SGK3: variants seen among roughly 807,000 people sequenced by gnomAD.
SGK3 encodes serine/threonine-protein kinase Sgk3.
SGK3 carries 47 observed loss-of-function variants against 68.5 expected under a neutral mutation model. The observed-to-expected ratio is 0.69, with a 90% CI of 0.54 to 0.87. The LOEUF (loss-of-function observed/expected upper bound fraction) is 0.87, where lower values mean the gene tolerates loss of function less well. Among genes scored for constraint, SGK3 ranks in the 40% least tolerant of loss-of-function variants. The pLI, the probability that SGK3 is intolerant of heterozygous loss-of-function variation, is 0.00. For synonymous variants in SGK3, 181 were observed against 189.1 expected (o/e 0.96, Z 0.35); for missense variants, 479 against 575.5 (o/e 0.83, Z 1.72).
At chr8:66,858,180 G>A (rs1229356315) in intron 16 of SGK3, among the ~76,000 whole-genome samples, 1 of 152,056 alleles carries the variant, frequency 6.6e-6, no homozygotes, top group African/African-American at 2.4e-5. Context: ...AATACAAAAT[G>A]CTAGGACGGG....
intron 6 of SGK3, among the ~76,000 whole-genome samples, chr8:66,827,250 C>T (rs1395890898): frequency 2.0e-5 from 3 of 151,704 alleles, no homozygotes; most frequent in South Asian, 2.1e-4. Flanking sequence ...GGCATGGTGG[C>T]GTATGCCTGT....
chr8:66,747,375 A>G (rs760022661), intron 1 of SGK3, among the ~76,000 whole-genome samples: 2 of 152,236 alleles, frequency 1.3e-5, no homozygotes, highest in African/African-American at 2.4e-5. Context: ...TACTTAGAAT[A>G]AAAGACTATC....
At chr8:66,820,354 CTTCA>C (rs1808761579) in intron 5 of SGK3, among the ~76,000 whole-genome samples, 1 of 152,096 alleles carries the variant, frequency 6.6e-6, no homozygotes, top group South Asian at 2.1e-4. Context: ...TATTTATGAG[CTTCA>C]TTCACGTTAT....
chr8:66,728,806 G>C (rs1805053140), intron 1 of SGK3, among the ~76,000 whole-genome samples: 1 of 151,922 alleles, frequency 6.6e-6, no homozygotes, highest in African/African-American at 2.4e-5. Context: ...TATAGTCCTA[G>C]CTACTCAGGA....
At position 66,847,224 on chromosome 8, in the gene SGK3, T is replaced by G; in HGVS notation, c.1106T>G (p.Met369Arg). 6.2e-7 allele frequency: 1 copy of G among 1,611,942 alleles called. No homozygotes were observed. Among genetic ancestry groups the G allele is most frequent in the South Asian group, 1.1e-5 (1 of 90,430 alleles). Residue 369 changes from methionine to arginine, a missense_variant, in exon 15 of 17, where the codon ATG becomes AGG. By Grantham distance (91) the Met-to-Arg change is moderately conservative. Transcript: ENST00000521198. ...PPFYCRDVAE[M>R]YDNILHKPLS... Reference sequence around the variant, plus strand: ...TTTTATTGCCGAGATGTTGCTGAAATGTATGACAATATCCTTCACAAACCC... The same window carrying G: ...TTTTATTGCCGAGATGTTGCTGAAAGGTATGACAATATCCTTCACAAACCC...
intron 8 of SGK3, among the ~76,000 whole-genome samples, chr8:66,833,610 G>A (rs1809390336): frequency 6.6e-6 from 1 of 152,196 alleles, no homozygotes; most frequent in Non-Finnish European, 1.5e-5. Flanking sequence ...ACAATATTGT[G>A]TTGTCAAATC....
At chr8:66,842,893 A>AC (rs911246361) in intron 13 of SGK3, among the ~76,000 whole-genome samples, 3 of 151,998 alleles carry the variant, frequency 2.0e-5, no homozygotes, top group Non-Finnish European at 4.4e-5. Flanking sequence ...ACATGGCTAA[A>AC]CCCCCGTCTC....
At chr8:66,792,460 T>C (rs939711607) in intron 1 of SGK3, among the ~76,000 whole-genome samples, 3 of 152,188 alleles carry the variant, frequency 2.0e-5, no homozygotes, top group African/African-American at 7.2e-5. Context: ...GAATATTCAA[T>C]GCCTGCTGAT....
chr8:66,726,800 G>GAAAAAAAAAAAAAAAAAAAA (rs1804996227), intron 1 of SGK3, among the ~76,000 whole-genome samples: 1 of 84,008 alleles, frequency 1.2e-5, no homozygotes, highest in African/African-American at 8.4e-5. Context: ...GACCCTGTCT[G>GAAAAAAAAAAAAAAAAAAAA]TAAAAAAAAA....
intron 4 of SGK3, among the ~76,000 whole-genome samples, chr8:66,806,255 C>T (rs1808158359): frequency 1.3e-5 from 2 of 151,794 alleles, no homozygotes; most frequent in African/African-American, 4.8e-5. Context: ...ATCTGTCTTA[C>T]AGTAGGCTGT....
chr8:66,792,587 G>A (rs1485027616), intron 1 of SGK3, among the ~76,000 whole-genome samples: 1 of 152,054 alleles, frequency 6.6e-6, no homozygotes, highest in Non-Finnish European at 1.5e-5. Context: ...ACTTTAAAAA[G>A]TATTATTTAG....
chr8:66,814,261 A>G (rs946036474), intron 5 of SGK3, among the ~76,000 whole-genome samples: 1 of 152,322 alleles, frequency 6.6e-6, no homozygotes, highest in Admixed American at 6.5e-5. Flanking sequence ...CATTGGGAAT[A>G]TAAAGCTAAG....
intron 10 of SGK3, 96 bp downstream of exon 10, chr8:66,836,170 C>T (rs1365853406): frequency 1.4e-6 from 2 of 1,456,060 alleles, no homozygotes; most frequent in Non-Finnish European, 1.8e-6. Context: ...AGTATAAAAT[C>T]AGTAGCTTTT....
At chr8:66,734,228 C>CTTTTTT (rs529741200) in intron 1 of SGK3, among the ~76,000 whole-genome samples, 10 of 104,222 alleles carry the variant, frequency 9.6e-5, no homozygotes, top group East Asian at 2.9e-4. Context: ...CTTTTTCTTT[C>CTTTTTT]TTTTTTTTTT....
At chr8:66,845,668 G>A (rs980330130) in intron 14 of SGK3, among the ~76,000 whole-genome samples, 7 of 151,548 alleles carry the variant, frequency 4.6e-5, no homozygotes, top group African/African-American at 1.7e-4. Context: ...TTGGACTACA[G>A]GCATGCACCA....
intron 1 of SGK3, among the ~76,000 whole-genome samples, chr8:66,757,942 T>C (rs557164659): frequency 2.3e-4 from 32 of 141,958 alleles, no homozygotes; most frequent in African/African-American, 4.1e-4. Flanking sequence ...TATATATATA[T>C]ACATATATAT....
intron 1 of SGK3, among the ~76,000 whole-genome samples, chr8:66,766,825 C>T (rs1020353780): frequency 1.3e-5 from 2 of 152,062 alleles, no homozygotes; most frequent in African/African-American, 2.4e-5. Flanking sequence ...TGCTTTGAAA[C>T]GTTCTTGATA....
chr8:66,796,443 G>A (rs1807698990), intron 2 of SGK3, among the ~76,000 whole-genome samples: 1 of 145,426 alleles, frequency 6.9e-6, no homozygotes. Context: ...GGGATTATAG[G>A]CATGAGCCAC....
chr8:66,856,710 G>T (rs185375128), intron 16 of SGK3, among the ~76,000 whole-genome samples: 5 of 152,294 alleles, frequency 3.3e-5, no homozygotes, highest in African/African-American at 1.2e-4. Flanking sequence ...GTTAGATTCT[G>T]GAAATTTTAT....
Sources: gnomAD v4.1 joint callset for allele counts (sites outside exome capture counted in the v4.1 genomes callset) on GRCh38, gnomAD v4.1.1 for gene constraint, MANE v1.5 for transcripts, NCBI Gene and HGNC (gene_info 2026-07-23, HGNC 2026-07-21) for gene names.